MUSK: variants seen among roughly 807,000 people sequenced by gnomAD.
MUSK encodes the protein muscle associated receptor tyrosine kinase.
MUSK carries 55 observed loss-of-function variants against 88.7 expected under a neutral mutation model. The ratio of observed to expected loss-of-function variants is 0.62; its 90% CI spans 0.50 to 0.78. MUSK has a LOEUF of 0.78. Ranked by LOEUF, MUSK falls within the 30% of genes least tolerant of loss-of-function variation. MUSK has a pLI of 0.00. For synonymous variants in MUSK, 387 were observed against 391.9 expected (o/e 0.99, Z 0.15); for missense variants, 1,015 against 1,074.3 (o/e 0.94, Z 0.77).
chr9:110,762,193 T>C lies in MUSK; in HGVS notation c.914-9T>C. On this transcript the variant is annotated splice_polypyrimidine_tract_variant and intron_variant, in intron 7 of 14. Coordinates refer to ENST00000374448, the MANE Select transcript of MUSK (RefSeq NM_005592.4). The stretch of plus-strand genomic sequence containing the variant: ...GACTTCCTGTGGGAACTTCCTTTCC[T>C]GTTAATAGAATGGAGGTAAGAAACT... 6.9e-7 allele frequency: 1 copy of C among 1,445,378 alleles called. No individual in the cohort carries two copies. The highest frequency in any genetic ancestry group is 1.6e-5 in the South Asian group (1 of 63,970). 89.5% of individuals were successfully genotyped at this position (1,445,378 alleles called of 1,614,324 possible).
In MUSK at chr9:110,785,059, A is replaced by C. The variant is rs747112522; in HGVS notation, c.1586+43A>C. 5.8e-6 allele frequency: 9 copies of C among 1,562,012 alleles called. No individual in the cohort carries two copies. In the South Asian group the frequency reaches 1.0e-4, roughly 17 times the overall value. On this transcript the variant is annotated intron_variant, in intron 12 of 14. Transcript: ENST00000374448. ...GCTAACCATGTGTAGTAATATTTTA[A>C]AGCCTTGTGTTTTATGGAGTTGGTA...
chr9:110,700,429 TA>T (rs2076486441), intron 5 of MUSK, among the ~76,000 whole-genome samples: 1 of 151,822 alleles, frequency 6.6e-6, no homozygotes, highest in Non-Finnish European at 1.5e-5. Context: ...GAGAAGTATC[TA>T]GATGAAAATG....
At chr9:110,789,856 G>C (rs890031381) in intron 14 of MUSK, among the ~76,000 whole-genome samples, 2 of 152,190 alleles carry the variant, frequency 1.3e-5, no homozygotes, top group African/African-American at 4.8e-5. Context: ...GATGCATGTG[G>C]ATATGGAGGC....
At chr9:110,674,647 C>T (rs1420469309) in intron 1 of MUSK, among the ~76,000 whole-genome samples, 2 of 152,110 alleles carry the variant, frequency 1.3e-5, no homozygotes, top group Non-Finnish European at 2.9e-5. Flanking sequence ...CTTGCTCTGT[C>T]ACACAGGCTG....
chr9:110,699,640 A>AT (rs752732415), intron 5 of MUSK, among the ~76,000 whole-genome samples: 6 of 152,160 alleles, frequency 3.9e-5, no homozygotes, highest in Non-Finnish European at 5.9e-5. Flanking sequence ...TTTAAAAAAA[A>AT]GCAACTGAGA....
At chr9:110,705,872 G>A (rs1263630675) in intron 5 of MUSK, among the ~76,000 whole-genome samples, 2 of 152,302 alleles carry the variant, frequency 1.3e-5, no homozygotes, top group East Asian at 3.9e-4. Flanking sequence ...TTCACGGCAG[G>A]ATGTGACCAG....
At chr9:110,725,407 C>A (rs528316113) in intron 5 of MUSK, among the ~76,000 whole-genome samples, 12 of 152,100 alleles carry the variant, frequency 7.9e-5, no homozygotes, top group African/African-American at 2.9e-4. Flanking sequence ...TATTCTCTCT[C>A]CTTTACAACA....
At position 110,743,475 on chromosome 9, in the gene MUSK, A is replaced by G. The variant is rs962846706; in HGVS notation, c.754-4166A>G. Among the ~76,000 whole-genome samples, 4 of 152,242 alleles carry G rather than the reference A, an allele frequency of 2.6e-5. No homozygotes were observed. In the South Asian group the frequency reaches 6.2e-4, roughly 24 times the overall value. On this transcript the variant is annotated intron_variant, in intron 6 of 14. Coordinates refer to ENST00000374448, the MANE Select transcript of MUSK (RefSeq NM_005592.4). The stretch of plus-strand genomic sequence containing the variant: ...TTTATAACCAGATTTATTTATAGTT[A>G]TACCAGTAATATCTCTGTTATTTTG...
intron 14 of MUSK, chr9:110,788,202 A>G (rs2077907699): frequency 4.8e-6 from 1 of 208,630 alleles, no homozygotes; most frequent in Non-Finnish European, 9.7e-6. Flanking sequence ...CCTAACTAGA[A>G]TGTCATGAGC....
chr9:110,771,158 CTTCT>C (rs1219621517), intron 9 of MUSK, among the ~76,000 whole-genome samples: 59 of 83,464 alleles, frequency 7.1e-4, no homozygotes, highest in African/African-American at 3.0e-3. Context: ...TGCTCATTTC[CTTCT>C]TTTTTTTTTT....
intron 6 of MUSK, 106 bp from the exon 7 acceptor site, chr9:110,747,535 C>A: frequency 8.5e-7 from 1 of 1,177,308 alleles, no homozygotes; most frequent in East Asian, 2.4e-5. Flanking sequence ...TTGCAGTGTA[C>A]CACATGCACT....
Position 110,775,882 on chromosome 9 carries a change from C to G in MUSK, c.1279C>G (p.His427Asp), listed in dbSNP as rs751266636. The change falls in exon 10 of 15, where the codon CAT (histidine) becomes GAT (aspartate). Residue 427 changes from histidine (H) to aspartate (D), a missense_variant. His to Asp is a moderately conservative substitution (Grantham distance 81). Transcript: ENST00000374448. The stretch of plus-strand genomic sequence containing the variant: ...CAGAGGACTCTACAGATCCGAGATG[C>G]ATTTGCTGTCCGTGCCAGAATGCAG... ...THRGLYRSEM[H>D]LLSVPECSKL... 1.5e-5 allele frequency: 25 copies of G among 1,613,812 alleles called. No homozygotes were observed. Among genetic ancestry groups the G allele is most frequent in the Non-Finnish European group, 1.9e-5 (23 of 1,179,844 alleles).
chr9:110,711,540 A>C (rs1452611843), intron 5 of MUSK, among the ~76,000 whole-genome samples: 1 of 152,216 alleles, frequency 6.6e-6, no homozygotes, highest in Non-Finnish European at 1.5e-5. Context: ...AAATGAATAG[A>C]TACTGCAGAC....
At chr9:110,749,203 A>C (rs1232851839) in intron 7 of MUSK, among the ~76,000 whole-genome samples, 2 of 152,222 alleles carry the variant, frequency 1.3e-5, no homozygotes, top group African/African-American at 2.4e-5. Flanking sequence ...TAATTTAAAA[A>C]TGGGTCCTGC....
chr9:110,737,221 TGTC>T (rs1449450094), intron 6 of MUSK, among the ~76,000 whole-genome samples: 2 of 152,014 alleles, frequency 1.3e-5, no homozygotes, highest in African/African-American at 4.8e-5. Flanking sequence ...GGATTTTTAT[TGTC>T]ATTATATAGA....
In MUSK at chr9:110,734,363, A is replaced by C. The variant is rs2077002366; in HGVS notation, c.741A>C (p.Glu247Asp). 6.2e-7 allele frequency: 1 copy of C among 1,613,168 alleles called. No homozygotes were observed. Among genetic ancestry groups the C allele is most frequent in the Non-Finnish European group, 8.5e-7 (1 of 1,179,384 alleles). ...CTGTCCCCACCATCACCTGGATTGA[A>C]AACGGAAATGCTGTGAGTGTCATGT... ...GIPVPTITWIENGNAVSSGSI... is the reference protein window; with the variant it reads ...GIPVPTITWIDNGNAVSSGSI... The change falls in exon 6 of 15, where the codon GAA (glutamate) becomes GAC (aspartate). Residue 247 changes from glutamate to aspartate, a missense_variant. Transcript: ENST00000374448.
intron 5 of MUSK, among the ~76,000 whole-genome samples, chr9:110,723,230 T>TACACACACAC (rs1391888387): frequency 3.5e-5 from 2 of 56,946 alleles, no homozygotes; most frequent in African/African-American, 1.2e-4. Context: ...CTACTACATA[T>TACACACACAC]ACATACACAC....
At chr9:110,734,122 C>A in intron 5 of MUSK, 129 bp from the exon 6 acceptor site, 3 of 1,061,054 alleles carry the variant, frequency 2.8e-6, no homozygotes, top group Non-Finnish European at 4.0e-6. Context: ...GTGGTATTAT[C>A]CTTAAAACAG....
chr9:110,761,477 C>T (rs545601827), intron 7 of MUSK, among the ~76,000 whole-genome samples: 1 of 151,410 alleles, frequency 6.6e-6, no homozygotes, highest in African/African-American at 2.4e-5. Flanking sequence ...CCTCTCTCCT[C>T]TGCATGTTCT....
Sources: allele counts gnomAD v4.1 joint callset (sites outside exome capture counted in the v4.1 genomes callset), GRCh38; gene constraint gnomAD v4.1.1; transcripts MANE v1.5; gene names NCBI Gene and HGNC (gene_info 2026-07-23, HGNC 2026-07-21).